The following ZNF516 variants were observed in gnomAD, a reference collection of about 807,000 sequenced individuals.
The protein encoded by ZNF516 is zinc finger protein 516.
ZNF516 carries 19 observed loss-of-function variants against 79.7 expected under a neutral mutation model. The observed-to-expected ratio is 0.24, with a 90% CI of 0.17 to 0.35. The LOEUF is 0.35. Ranked by LOEUF, ZNF516 falls within the 10% of genes least tolerant of loss-of-function variation. The pLI, the probability that ZNF516 is intolerant of heterozygous loss-of-function variation, is 1.00. For synonymous variants in ZNF516, 877 were observed against 739.5 expected (o/e 1.19, Z -3.02); for missense variants, 1,678 against 1,679.5 (o/e 1.00, Z 0.02).
intron 3 of ZNF516, among the ~76,000 whole-genome samples, chr18:76,408,730 G>C (rs369107590): frequency 3.9e-5 from 6 of 152,182 alleles, no homozygotes; most frequent in African/African-American, 9.7e-5. Context: ...GTTTGTGTTC[G>C]CTCGCTAATT....
rs60337965 is a variant in ZNF516, at chr18:76,360,794, C to CAATAATAAT, written c.*1695_*1703dup. The CAATAATAAT allele has an allele frequency of 2.8e-5, 4 of 141,378 alleles. No homozygotes were observed. The highest frequency in any genetic ancestry group is 3.8e-3 in the Middle Eastern group (1 of 266). 8.8% of individuals were successfully genotyped at this position (141,378 alleles called of 1,614,324 possible). A position where few individuals can be genotyped will look rare whatever the true frequency, so the allele number is the denominator to read the frequency against. On this transcript the variant is annotated 3_prime_UTR_variant, in exon 7 of 7. Coordinates refer to ENST00000443185, the MANE Select transcript of ZNF516 (RefSeq NM_014643.4). The stretch of plus-strand genomic sequence containing the variant: ...AACCAAACATTACTAATAACAATAA[C>CAATAATAAT]AATAATAATAATAATAATAATAATA...
chr18:76,496,297 C>G (rs1306461713), upstream of ZNF516: 3 of 1,289,470 alleles, frequency 2.3e-6, no homozygotes, highest in South Asian at 2.5e-5. Flanking sequence ...CCGTATTGTT[C>G]TCCTTCTCCT....
chr18:76,431,626 A>G (rs2075662448), intron 3 of ZNF516, among the ~76,000 whole-genome samples: 2 of 152,168 alleles, frequency 1.3e-5, no homozygotes, highest in South Asian at 2.1e-4. Context: ...GCTCATTGCA[A>G]CGAGTGAGTT....
chr18:76,444,671 T>C (rs1911933863), intron 2 of ZNF516, among the ~76,000 whole-genome samples: 1 of 152,094 alleles, frequency 6.6e-6, no homozygotes, highest in Non-Finnish European at 1.5e-5. Flanking sequence ...AGAATACTGA[T>C]AATAGACCTG....
At chr18:76,490,840 A>G (rs1915135905) in intron 1 of ZNF516, 1 of 985,320 alleles carries the variant, frequency 1.0e-6, no homozygotes, top group South Asian at 4.7e-5. Context: ...TTTGTTACGC[A>G]GGGGACACCC....
chr18:76,447,373 G>A (rs764414735), intron 2 of ZNF516, among the ~76,000 whole-genome samples: 2 of 152,208 alleles, frequency 1.3e-5, no homozygotes, highest in African/African-American at 4.8e-5. Context: ...TCCCTAGTGG[G>A]GCGTGCCTCA....
intron 6 of ZNF516, among the ~76,000 whole-genome samples, chr18:76,369,729 C>T (rs678704): frequency 0.81 from 122,915 of 151,944 alleles, 51,023 homozygotes; most frequent in Middle Eastern, 0.92. Context: ...TTGACTCTCA[C>T]GGCAAAGAAA....
intron 3 of ZNF516, among the ~76,000 whole-genome samples, chr18:76,417,157 T>C (rs2075443000): frequency 6.6e-6 from 1 of 152,224 alleles, no homozygotes; most frequent in African/African-American, 2.4e-5. Context: ...GAACTCCGAA[T>C]GCCTCGATGC....
At chr18:76,433,967 C>T (rs1284066894) in intron 3 of ZNF516, among the ~76,000 whole-genome samples, 1 of 152,058 alleles carries the variant, frequency 6.6e-6, no homozygotes, top group East Asian at 1.9e-4. Context: ...CCCACCGCGA[C>T]CGCCAGCACC....
upstream of ZNF516, chr18:76,495,764 G>A (rs1055576267): frequency 1.0e-5 from 12 of 1,154,976 alleles, no homozygotes; most frequent in Admixed American, 2.6e-4. Flanking sequence ...ACTGAAATGG[G>A]GACACCCCTT....
At chr18:76,372,005 C>T (rs2074716225) in intron 4 of ZNF516, among the ~76,000 whole-genome samples, 1 of 152,210 alleles carries the variant, frequency 6.6e-6, no homozygotes, top group African/African-American at 2.4e-5. Flanking sequence ...CGGCCGCGAT[C>T]CTGGGAGACC....
chr18:76,380,866 C>T (rs2074880503), intron 3 of ZNF516, among the ~76,000 whole-genome samples: 1 of 152,340 alleles, frequency 6.6e-6, no homozygotes, highest in South Asian at 2.1e-4. Context: ...CCATAGGGCT[C>T]CCTCCCTACG....
intron 1 of ZNF516, among the ~76,000 whole-genome samples, chr18:76,489,588 A>C (rs995972299): frequency 0.017 from 361 of 21,334 alleles, 2 homozygotes; most frequent in South Asian, 0.14. Flanking sequence ...ACATCTTACA[A>C]AAAAAAAAAA....
At chr18:76,405,281 T>G (rs2075288855) in intron 3 of ZNF516, among the ~76,000 whole-genome samples, 1 of 152,074 alleles carries the variant, frequency 6.6e-6, no homozygotes. Flanking sequence ...CAGGCTGGAG[T>G]GCAGTGGTGC....
intron 3 of ZNF516, among the ~76,000 whole-genome samples, chr18:76,390,440 G>A (rs2075054310): frequency 6.6e-6 from 1 of 152,208 alleles, no homozygotes; most frequent in Non-Finnish European, 1.5e-5. Flanking sequence ...GTTGCGGGGT[G>A]GAGCAGGTCA....
intron 3 of ZNF516, among the ~76,000 whole-genome samples, chr18:76,419,186 TTATACACGAGGCTG>T (rs1568275622): frequency 6.6e-6 from 1 of 152,252 alleles, no homozygotes; most frequent in Non-Finnish European, 1.5e-5. Flanking sequence ...TTGTCCAGGA[TTATACACGAGGCTG>T]TATACACGTG....
chr18:76,441,868 T>G lies in ZNF516; in HGVS notation c.1187A>C (p.Asp396Ala). ...TCCGGCCTGCGTGCCAGGGCACGAG[T>G]CGCCGGCCGCCGACGGCCTCAGGTT... Reference protein sequence around the residue: ...CLNLRPSAAGDSCPGTQAGRR... With the variant: ...CLNLRPSAAGASCPGTQAGRR... Residue 396 changes from aspartate to alanine, a missense_variant, in exon 3 of 7, where the codon GAC becomes GCC. By Grantham distance (126) the Asp-to-Ala change is moderately radical. This residue lies in a region of ZNF516 where 1,294 missense variants were observed against 1,248.3 expected (regional missense o/e 1.04). Transcript: ENST00000443185. 6.3e-7 allele frequency: 1 copy of G among 1,581,836 alleles called. No homozygotes were observed. Among genetic ancestry groups the G allele is most frequent in the Non-Finnish European group, 8.5e-7 (1 of 1,170,526 alleles).
chr18:76,453,581 G>A (rs1912548224), intron 2 of ZNF516, among the ~76,000 whole-genome samples: 1 of 152,254 alleles, frequency 6.6e-6, no homozygotes, highest in South Asian at 2.1e-4. Context: ...AAACAAATAT[G>A]GAAAATCAGA....
chr18:76,492,922 A>T, intron 1 of ZNF516: 1 of 985,582 alleles, frequency 1.0e-6, no homozygotes, highest in Non-Finnish European at 1.2e-6. Context: ...AAGCCTGCGG[A>T]TGCGCGGGGC....
Sources: allele counts gnomAD v4.1 joint callset (sites outside exome capture counted in the v4.1 genomes callset), GRCh38; gene constraint gnomAD v4.1.1; regional missense constraint gnomAD v4.1.1; transcripts MANE v1.5; gene names NCBI Gene and HGNC (gene_info 2026-07-23, HGNC 2026-07-21).